CYP4F22: variants seen among roughly 807,000 people sequenced by gnomAD.
CYP4F22 encodes cytochrome P450 family 4 subfamily F member 22, also known as ultra-long-chain fatty acid omega-hydroxylase.
A neutral mutation model predicts 60.4 loss-of-function variants in CYP4F22; 37 were observed. That is an observed-to-expected ratio of 0.61 (90% CI 0.47 to 0.81). The LOEUF (loss-of-function observed/expected upper bound fraction) is 0.81. CYP4F22 is among the 30% of genes least tolerant of loss of function. The pLI is 0.00. For missense variants in CYP4F22, 655 were observed against 715.0 expected (o/e 0.92, Z 0.96); for synonymous variants, 258 against 280.5 (o/e 0.92, Z 0.80).
intron 1 of CYP4F22, among the ~76,000 whole-genome samples, chr19:15,522,700 C>T (rs1971239390): frequency 6.6e-6 from 1 of 151,976 alleles, no homozygotes; most frequent in East Asian, 1.9e-4. Flanking sequence ...AATTTCACTT[C>T]TTTATTTTTA....
chr19:15,540,864 C>G, intron 8 of CYP4F22, 147 bp downstream of exon 8: 1 of 1,004,608 alleles, frequency 1.0e-6, no homozygotes, highest in Non-Finnish European at 1.5e-6. Context: ...GCGGGAGGAT[C>G]GCTTGAGCCC....
chr19:15,524,327 G>A (rs1162003179), intron 2 of CYP4F22, among the ~76,000 whole-genome samples: 1 of 152,186 alleles, frequency 6.6e-6, no homozygotes, highest in African/African-American at 2.4e-5. Context: ...TACTAACAGG[G>A]ATGGGGTTTT....
chr19:15,525,213 GT>G, intron 2 of CYP4F22, 122 bp from the exon 3 acceptor site: 1 of 893,328 alleles, frequency 1.1e-6, no homozygotes. Context: ...GGATGAAGAG[GT>G]ATCCTTGGTG....
intron 4 of CYP4F22, among the ~76,000 whole-genome samples, chr19:15,532,961 C>T (rs1971359622): frequency 6.6e-6 from 1 of 152,160 alleles, no homozygotes; most frequent in South Asian, 2.1e-4. Context: ...CCCCAGGGTG[C>T]CCCCACCTGG....
chr19:15,521,231 CTTT>C (rs58365952), intron 1 of CYP4F22, among the ~76,000 whole-genome samples: 5 of 110,180 alleles, frequency 4.5e-5, no homozygotes, highest in Admixed American at 9.5e-5. Flanking sequence ...TTACTTCCAC[CTTT>C]TTTTTTTTTT....
At chr19:15,550,550 T>C (rs1009429952) in intron 12 of CYP4F22, 124 bp from the exon 13 acceptor site, 3 of 881,356 alleles carry the variant, frequency 3.4e-6, no homozygotes, top group Non-Finnish European at 5.7e-6. Context: ...CAAGGTGGAA[T>C]GGAAGAGGTG....
intron 1 of CYP4F22, among the ~76,000 whole-genome samples, chr19:15,512,708 G>T (rs961324362): frequency 7.2e-5 from 11 of 152,118 alleles, no homozygotes; most frequent in African/African-American, 2.7e-4. Context: ...CTCCCAAAGT[G>T]CTGGGATTAC....
Position 15,537,615 on chromosome 19 carries a change from C to A in CYP4F22, c.502C>A (p.Leu168Met). ...GACACCCGCCTTCCACTTTGACATC[C>A]TGAAGCCTTACATGAAGATCTTCAA... ...LLTPAFHFDI[L>M]KPYMKIFNQS... Residue 168 changes from leucine (L) to methionine (M), a missense_variant, in exon 6 of 14, where the codon CTG becomes ATG. Physicochemically the swap from Leu to Met is conservative, Grantham distance 15. This residue lies in a region of CYP4F22 where 430 missense variants were observed against 457.1 expected (regional missense o/e 0.94). Transcript: ENST00000269703. 6.2e-7 allele frequency: 1 copy of A among 1,614,112 alleles called. No individual in the cohort carries two copies. Among genetic ancestry groups the A allele is most frequent in the Non-Finnish European group, 8.5e-7 (1 of 1,180,034 alleles).
chr19:15,550,770 T>C lies in CYP4F22; in HGVS notation c.1418+14T>C. On this transcript the variant is annotated intron_variant, in intron 13 of 13. Coordinates refer to ENST00000269703, the MANE Select transcript of CYP4F22 (RefSeq NM_173483.4). The stretch of plus-strand genomic sequence containing the variant: ...TGCAGGACCCAGGTAACCCCTCTAT[T>C]TCCCCTAGTCCAAGCCAGCTGTGTA... 1 of 1,613,940 alleles carries C rather than the reference T, an allele frequency of 6.2e-7. No homozygotes were observed. Among genetic ancestry groups the C allele is most frequent in the Non-Finnish European group, 8.5e-7 (1 of 1,179,826 alleles).
chr19:15,545,194 A>G (rs1309532661), intron 10 of CYP4F22, among the ~76,000 whole-genome samples: 2 of 152,194 alleles, frequency 1.3e-5, no homozygotes, highest in African/African-American at 4.8e-5. Flanking sequence ...ATGGGGCAGG[A>G]CATATACTCC....
intron 4 of CYP4F22, among the ~76,000 whole-genome samples, chr19:15,534,433 G>A (rs1023360719): frequency 1.3e-5 from 2 of 151,948 alleles, no homozygotes; most frequent in African/African-American, 2.4e-5. Flanking sequence ...TTCGTACACC[G>A]TCTCATCCAT....
chr19:15,519,395 T>C (rs921408862), intron 1 of CYP4F22, among the ~76,000 whole-genome samples: 2 of 151,992 alleles, frequency 1.3e-5, no homozygotes, highest in African/African-American at 4.8e-5. Flanking sequence ...CCCGAGTAGC[T>C]GGGACTACAG....
At chr19:15,538,950 C>T (rs939547768) in intron 7 of CYP4F22, among the ~76,000 whole-genome samples, 2 of 152,182 alleles carry the variant, frequency 1.3e-5, no homozygotes, top group Non-Finnish European at 2.9e-5. Context: ...GCAATAAGTG[C>T]ATGAAAACAA....
At chr19:15,532,684 T>C (rs565013308) in intron 4 of CYP4F22, among the ~76,000 whole-genome samples, 14 of 152,160 alleles carry the variant, frequency 9.2e-5, no homozygotes, top group Admixed American at 4.6e-4. Flanking sequence ...GCCTGGTCTC[T>C]CTTTTTTCTC....
intron 1 of CYP4F22, among the ~76,000 whole-genome samples, chr19:15,512,988 G>C (rs1971108960): frequency 8.8e-6 from 1 of 113,328 alleles, no homozygotes; most frequent in South Asian, 2.5e-4. Flanking sequence ...GGTCCTCAAA[G>C]CTTTTCTCTC....
intron 1 of CYP4F22, among the ~76,000 whole-genome samples, chr19:15,512,138 C>T (rs1399083708): frequency 1.3e-5 from 2 of 152,120 alleles, no homozygotes; most frequent in African/African-American, 2.4e-5. Context: ...CAAGGCCTTT[C>T]CATGCCTCAT....
intron 10 of CYP4F22, among the ~76,000 whole-genome samples, chr19:15,547,167 G>A (rs1024160359): frequency 2.0e-5 from 3 of 151,728 alleles, no homozygotes; most frequent in Non-Finnish European, 4.4e-5. Context: ...GAGACTACAG[G>A]TGCACGCCAC....
At chr19:15,548,308 A>G (rs1971556922) in intron 11 of CYP4F22, 67 bp downstream of exon 11, 1 of 1,607,460 alleles carries the variant, frequency 6.2e-7, no homozygotes, top group Non-Finnish European at 8.5e-7. Context: ...TATTGTCCAC[A>G]GGGGCCTGGC....
chr19:15,540,436 C>T lies in CYP4F22; in HGVS notation c.672-14C>T, dbSNP rs1201621683. ...GGAAGGGGCTACACTCATGGATCCC[C>T]TTCTCCTTGGCAGGAAGATGAGTGA... is the stretch of plus-strand genomic sequence containing the variant. On this transcript the variant is annotated splice_polypyrimidine_tract_variant and intron_variant, in intron 7 of 13. Coordinates refer to ENST00000269703, the MANE Select transcript of CYP4F22 (RefSeq NM_173483.4). The T allele has an allele frequency of 3.1e-6, 5 of 1,614,146 alleles. No homozygotes were observed. The Admixed American group carries it at 5.0e-5, about 16-fold the overall frequency.
Sources: allele counts gnomAD v4.1 joint callset (sites outside exome capture counted in the v4.1 genomes callset), GRCh38; gene constraint gnomAD v4.1.1; regional missense constraint gnomAD v4.1.1; transcripts MANE v1.5; gene names NCBI Gene and HGNC (gene_info 2026-07-23, HGNC 2026-07-21).